HAO1: variants seen among roughly 807,000 people sequenced by gnomAD.
The protein encoded by HAO1 is 2-Hydroxyacid oxidase 1.
HAO1 carries 34 observed loss-of-function variants against 39.7 expected under a neutral mutation model. The observed-to-expected ratio is 0.86, with a 90% CI of 0.65 to 1.14. The LOEUF is 1.14. Among genes scored for constraint, HAO1 ranks in the 50% most tolerant of loss-of-function variants. HAO1 has a pLI of 0.00. For missense variants in HAO1, 479 were observed against 464.5 expected, an observed-to-expected ratio of 1.03 and a Z score of -0.29; for synonymous variants, 172 against 173.2, an observed-to-expected ratio of 0.99 and a Z score of 0.05.
intron 5 of HAO1, among the ~76,000 whole-genome samples, chr20:7,888,771 C>A (rs939225879): frequency 3.3e-5 from 5 of 152,150 alleles, no homozygotes; most frequent in African/African-American, 1.2e-4. Flanking sequence ...GTTCTGCCAC[C>A]TTAGATATGA....
chr20:7,897,864 G>A (rs1342658557), intron 4 of HAO1, among the ~76,000 whole-genome samples: 1 of 152,086 alleles, frequency 6.6e-6, no homozygotes, highest in African/African-American at 2.4e-5. Flanking sequence ...AAAGATTGAG[G>A]AACTGCCCTG....
At chr20:7,924,617 A>G (rs1365489316) in intron 2 of HAO1, among the ~76,000 whole-genome samples, 1 of 152,172 alleles carries the variant, frequency 6.6e-6, no homozygotes, top group Non-Finnish European at 1.5e-5. Flanking sequence ...TATGGGACTA[A>G]TCATATACCT....
At chr20:7,908,347 C>G (rs2050258881) in intron 3 of HAO1, among the ~76,000 whole-genome samples, 1 of 151,368 alleles carries the variant, frequency 6.6e-6, no homozygotes, top group Non-Finnish European at 1.5e-5. Flanking sequence ...GCAACTCCAG[C>G]CACTGCACTC....
At position 7,885,701 on chromosome 20, in the gene HAO1, G is replaced by A. The variant is rs1036689950; in HGVS notation, c.972+5C>T. On this transcript the variant is annotated splice_donor_5th_base_variant and intron_variant, in intron 6 of 7. Transcript: ENST00000378789. ...TTTTATATATTCATTTCTTTGTCCA[G>A]TTACCTGGAAAGCTAAGCCCCAAAC... 4 of 1,609,372 alleles carry A rather than the reference G, an allele frequency of 2.5e-6. No individual in the cohort carries two copies. Among genetic ancestry groups the A allele is most frequent in the Admixed American group, 3.3e-5 (2 of 59,728 alleles).
At chr20:7,933,308 A>G (rs544213804) in intron 2 of HAO1, among the ~76,000 whole-genome samples, 4 of 152,228 alleles carry the variant, frequency 2.6e-5, no homozygotes, top group South Asian at 2.1e-4. Context: ...ATTGAGATTT[A>G]AGAGCACTAA....
chr20:7,891,708 G>T (rs945480325), intron 5 of HAO1, among the ~76,000 whole-genome samples: 1 of 152,062 alleles, frequency 6.6e-6, no homozygotes, highest in Non-Finnish European at 1.5e-5. Context: ...TTAAAAAACG[G>T]TCTCAGGGAA....
intron 5 of HAO1, among the ~76,000 whole-genome samples, chr20:7,890,663 C>A (rs551285629): frequency 6.6e-6 from 1 of 152,158 alleles, no homozygotes; most frequent in Non-Finnish European, 1.5e-5. Flanking sequence ...GCAGTATACA[C>A]TGCACCATAT....
intron 3 of HAO1, among the ~76,000 whole-genome samples, chr20:7,913,886 G>A (rs2050293172): frequency 6.6e-6 from 1 of 152,180 alleles, no homozygotes; most frequent in Non-Finnish European, 1.5e-5. Flanking sequence ...ATAAACTGCT[G>A]CTTGGGCAAA....
At chr20:7,890,594 G>C (rs978529341) in intron 5 of HAO1, among the ~76,000 whole-genome samples, 2 of 151,972 alleles carry the variant, frequency 1.3e-5, no homozygotes, top group Non-Finnish European at 2.9e-5. Flanking sequence ...GTGGTATTTG[G>C]TTATATGAGT....
chr20:7,925,947 T>C (rs2050357216), intron 2 of HAO1, among the ~76,000 whole-genome samples: 1 of 152,200 alleles, frequency 6.6e-6, no homozygotes, highest in Non-Finnish European at 1.5e-5. Flanking sequence ...GAAGCCACTA[T>C]TTATATGAAA....
Position 7,900,479 on chromosome 20 carries a change from T to C in HAO1, c.722-5255A>G, listed in dbSNP as rs147127494. 6.8e-3 allele frequency among the ~76,000 whole-genome samples: 1,038 copies of C among 152,304 alleles called. 5 individuals are homozygous for C. Among genetic ancestry groups the C allele is most frequent in the African/African-American group, 0.023 (967 of 41,566 alleles). On this transcript the variant is annotated intron_variant, in intron 4 of 7. Coordinates refer to ENST00000378789, the MANE Select transcript of HAO1 (RefSeq NM_017545.3). ...TCAATTGGTATCCCTGTGTCACAGT[T>C]TGGTCATTCTCACTCTATTTCAAAC...
chr20:7,909,728 T>C (rs1331869426), intron 3 of HAO1, among the ~76,000 whole-genome samples: 1 of 152,048 alleles, frequency 6.6e-6, no homozygotes, highest in East Asian at 1.9e-4. Context: ...ATACATAATA[T>C]TATTTATTAT....
At chr20:7,925,437 G>A (rs2050354746) in intron 2 of HAO1, among the ~76,000 whole-genome samples, 2 of 152,012 alleles carry the variant, frequency 1.3e-5, no homozygotes, top group Admixed American at 6.6e-5. Flanking sequence ...TTAGTCTCAG[G>A]GACATCTTAG....
intron 3 of HAO1, among the ~76,000 whole-genome samples, chr20:7,908,698 C>G (rs978027269): frequency 6.6e-5 from 10 of 152,228 alleles, no homozygotes; most frequent in East Asian, 5.8e-4. Flanking sequence ...TTCATTGAGT[C>G]ATATGGATGC....
chr20:7,928,733 C>T (rs538790649), intron 2 of HAO1, among the ~76,000 whole-genome samples: 4 of 152,220 alleles, frequency 2.6e-5, no homozygotes, highest in Non-Finnish European at 4.4e-5. Context: ...AGAAATAAAA[C>T]TAGTTCTCGG....
intron 2 of HAO1, among the ~76,000 whole-genome samples, chr20:7,924,487 G>A (rs1228048620): frequency 6.6e-6 from 1 of 151,962 alleles, no homozygotes; most frequent in Non-Finnish European, 1.5e-5. Context: ...ATGAGGAAGG[G>A]AATTATAATA....
At chr20:7,904,790 A>C (rs933515953) in intron 4 of HAO1, among the ~76,000 whole-genome samples, 3 of 152,232 alleles carry the variant, frequency 2.0e-5, no homozygotes, top group Non-Finnish European at 2.9e-5. Flanking sequence ...GAATAAGAGA[A>C]TGGATGAATG....
intron 5 of HAO1, among the ~76,000 whole-genome samples, chr20:7,887,501 C>T (rs2050155977): frequency 6.6e-6 from 1 of 152,114 alleles, no homozygotes; most frequent in South Asian, 2.1e-4. Context: ...TTCCTCTTTC[C>T]CTTTTAGCTT....
intron 5 of HAO1, among the ~76,000 whole-genome samples, chr20:7,890,956 T>C (rs926226259): frequency 6.6e-6 from 1 of 152,180 alleles, no homozygotes; most frequent in Non-Finnish European, 1.5e-5. Context: ...ATTGATGGGC[T>C]TTTGGGTTGG....
Sources: allele counts gnomAD v4.1 joint callset (sites outside exome capture counted in the v4.1 genomes callset), GRCh38; gene constraint gnomAD v4.1.1; transcripts MANE v1.5; gene names NCBI Gene and HGNC (gene_info 2026-07-23, HGNC 2026-07-21).